The following USP11 variants were observed in gnomAD, a reference collection of about 807,000 sequenced individuals.
USP11 encodes ubiquitin specific peptidase 11.
USP11 carries 5 observed loss-of-function variants against 72.8 expected under a neutral mutation model. The observed-to-expected ratio is 0.07, with a 90% CI of 0.04 to 0.14. The LOEUF is 0.14. Among genes scored for constraint, USP11 ranks in the 10% least tolerant of loss-of-function variants. The pLI, the probability that USP11 is intolerant of heterozygous loss-of-function variation, is 1.00. For missense variants in USP11, 480 were observed against 794.7 expected (o/e 0.60, Z 4.76); for synonymous variants, 368 against 326.5 (o/e 1.13, Z -1.37).
chrX:47,243,496 A>G lies in USP11; in HGVS notation c.1684A>G (p.Asn562Asp). 1 of 1,211,309 alleles carries G rather than the reference A, an allele frequency of 8.3e-7. No homozygotes were observed. The highest frequency in any genetic ancestry group is 1.1e-6 in the Non-Finnish European group (1 of 895,408). ...GCGCACCCCTGCCCGTGACTACAAC[A>G]ACTCCTACTACGGCCTGATGCTTTT... ...RERTPARDYN[N>D]SYYGLMLFGH... The change falls in exon 13 of 21, where the codon AAC becomes GAC. Residue 562 changes from asparagine to aspartate, a missense_variant. Asn to Asp is a conservative substitution (Grantham distance 23). Around this residue, in one of 5 missense-constraint regions of USP11, gnomAD observed 314 missense variants for 556.0 expected, o/e 0.56. Coordinates refer to ENST00000377107, the MANE Select transcript of USP11 (RefSeq NM_001371072.1).
In USP11 at chrX:47,247,347, T is replaced by A. The variant is rs751339862; in HGVS notation, c.2464T>A (p.Ser822Thr). The A allele has an allele frequency of 9.1e-6, 11 of 1,210,038 alleles. No individual in the cohort carries two copies. The highest frequency in any genetic ancestry group is 1.0e-5 in the Non-Finnish European group (9 of 895,048). The change falls in exon 19 of 21, where the codon TCG (serine) becomes ACG (threonine). Residue 822 changes from serine (S) to threonine (T), a missense_variant. Transcript: ENST00000377107. ...SEFVIQPQNE[S>T]NPELYKYDLI... ...GTTTGTCATCCAGCCACAGAATGAGTCGAATCCGGAGCTGTACAAATATGA... is the reference window on the plus strand; with the variant it reads ...GTTTGTCATCCAGCCACAGAATGAGACGAATCCGGAGCTGTACAAATATGA...
At chrX:47,239,557 C>G in intron 3 of USP11, 76 bp downstream of exon 3, 8 of 1,169,314 alleles carry the variant, frequency 6.8e-6, no homozygotes, top group Non-Finnish European at 9.2e-6. Flanking sequence ...GGGTACAGAT[C>G]CATGTATGCT....
intron 1 of USP11, chrX:47,233,496 G>A: frequency 1.0e-6 from 1 of 981,799 alleles, no homozygotes; most frequent in Non-Finnish European, 1.3e-6. Context: ...GTGGGGCCGG[G>A]CCTGCGTAGT....
At chrX:47,239,221 C>A in intron 2 of USP11, 42 bp downstream of exon 2, 1 of 1,181,651 alleles carries the variant, frequency 8.5e-7, no homozygotes. Flanking sequence ...CCCTGGAGTT[C>A]TTGTCCCTTC....
chrX:47,242,225 C>G lies in USP11; in HGVS notation c.1323C>G (p.Leu441=). The G allele has an allele frequency of 8.2e-7, 1 of 1,212,197 alleles. No homozygotes were observed. Among genetic ancestry groups the G allele is most frequent in the Non-Finnish European group, 1.1e-6 (1 of 895,584 alleles). Residue 441 remains leucine, a synonymous_variant, in exon 10 of 21, where the codon CTC becomes CTG. Transcript: ENST00000377107. Reference sequence around the variant, plus strand: ...TGACCTTCGACCCCTTCTGCTACCTCAGTGTTCCACTGCCTATCAGCCACA... The same window carrying G: ...TGACCTTCGACCCCTTCTGCTACCTGAGTGTTCCACTGCCTATCAGCCACA... The part of the protein sequence containing the change: ...VSVTFDPFCY[L]SVPLPISHKR...
intron 2 of USP11, 53 bp downstream of exon 2, chrX:47,239,232 C>T (rs1040574008): frequency 5.1e-6 from 6 of 1,174,986 alleles, no homozygotes; most frequent in South Asian, 1.9e-5. Context: ...TTGTCCCTTC[C>T]GTCCCTACAG....
At position 47,244,782 on chromosome X, in the gene USP11, G is replaced by A. The variant is rs1459925560; in HGVS notation, c.1944G>A (p.Thr648=). 5 of 1,209,816 alleles carry A rather than the reference G, an allele frequency of 4.1e-6. No individual in the cohort carries two copies. The highest frequency in any genetic ancestry group is 3.4e-6 in the Non-Finnish European group (3 of 894,960). The stretch of plus-strand genomic sequence containing the variant: ...AGGCTGGGCCCAGCTCTGGAGTCAC[G>A]AACAGGTGCCCGTTCCTCCTGGACA... The part of the protein sequence containing the change: ...PEQAGPSSGV[T]NRCPFLLDNC... Residue 648 remains threonine, a synonymous_variant, in exon 15 of 21, where the codon ACG becomes ACA. Transcript: ENST00000377107.
rs757731968 is a variant in USP11, at chrX:47,244,785, C to T, written c.1947C>T (p.Asn649=). Residue 649 remains asparagine, a synonymous_variant, in exon 15 of 21, where the codon AAC becomes AAT. Coordinates refer to ENST00000377107, the MANE Select transcript of USP11 (RefSeq NM_001371072.1). ...CTGGGCCCAGCTCTGGAGTCACGAA[C>T]AGGTGCCCGTTCCTCCTGGACAATT... ...EQAGPSSGVT[N]RCPFLLDNCL... 5.0e-6 allele frequency: 6 copies of T among 1,210,452 alleles called. No individual in the cohort carries two copies. In the Admixed American group the frequency reaches 1.1e-4, roughly 22 times the overall value.
intron 13 of USP11, among the ~76,000 whole-genome samples, chrX:47,243,975 A>G (rs1462620334): frequency 9.0e-6 from 1 of 111,314 alleles, no homozygotes; most frequent in East Asian, 2.8e-4. Flanking sequence ...TGTTATCAGA[A>G]TTCTCCCCCC....
intron 12 of USP11, 146 bp from the exon 13 acceptor site, chrX:47,243,250 G>GA: frequency 1.7e-6 from 1 of 591,958 alleles, no homozygotes; most frequent in Non-Finnish European, 2.5e-6. Flanking sequence ...GCAACAGAGC[G>GA]AGACTCCGTC....
In USP11 at chrX:47,248,102, C is replaced by T. The variant is rs987253453; in HGVS notation, c.*172C>T. 3 of 735,775 alleles carry T rather than the reference C, an allele frequency of 4.1e-6. No individual in the cohort carries two copies. The African/African-American group carries it at 6.5e-5, about 16-fold the overall frequency. The allele number at this position is 735,775 out of a possible 1,213,427, so 60.6% of individuals were successfully genotyped here. A position where few individuals can be genotyped will look rare whatever the true frequency, so the allele number is the denominator to read the frequency against. ...TGCATCGCTCTCTCCCGGGAAAGAA[C>T]AGGTCGTGTCTCCTCCTAGCAGTGC... On this transcript the variant is annotated 3_prime_UTR_variant, in exon 21 of 21. Coordinates refer to ENST00000377107, the MANE Select transcript of USP11 (RefSeq NM_001371072.1).
At chrX:47,243,351 C>T (rs372967384) in intron 12 of USP11, 45 bp from the exon 13 acceptor site, 2 of 1,196,755 alleles carry the variant, frequency 1.7e-6, no homozygotes, top group African/African-American at 3.5e-5. Flanking sequence ...GTCAGGGAGT[C>T]TCTGGGGGCC....
intron 1 of USP11, among the ~76,000 whole-genome samples, chrX:47,234,509 A>C (rs2055362588): frequency 8.9e-6 from 1 of 111,764 alleles, no homozygotes; most frequent in African/African-American, 3.3e-5. Context: ...GTTTATAGGA[A>C]ATACTGAAAA....
chrX:47,244,192 G>A (rs986632874), intron 13 of USP11, among the ~76,000 whole-genome samples: 1 of 102,854 alleles, frequency 9.7e-6, no homozygotes, highest in Non-Finnish European at 2.0e-5. Flanking sequence ...TCCATCTCCC[G>A]GATTCAAGCG....
In USP11 at chrX:47,239,445, T is replaced by C. The variant is rs1424121774; in HGVS notation, c.381T>C (p.Tyr127=). Reference sequence around the variant, plus strand: ...CTTGGCATTACCTGGTCAGCTGGTATGGTCTAGAGCATGGCCAGCCACCCA... The same window carrying C: ...CTTGGCATTACCTGGTCAGCTGGTACGGTCTAGAGCATGGCCAGCCACCCA... ...AAAWHYLVSW[Y]GLEHGQPPIE... Residue 127 remains tyrosine (Y), a synonymous_variant, in exon 3 of 21, where the codon TAT becomes TAC. Coordinates refer to ENST00000377107, the MANE Select transcript of USP11 (RefSeq NM_001371072.1). 8.3e-7 allele frequency: 1 copy of C among 1,210,020 alleles called. No individual in the cohort carries two copies. The highest frequency in any genetic ancestry group is 2.3e-4 in the Middle Eastern group (1 of 4,375).
chrX:47,245,989 G>T (rs1286396266), intron 17 of USP11, among the ~76,000 whole-genome samples: 1 of 111,430 alleles, frequency 9.0e-6, no homozygotes, highest in Non-Finnish European at 1.9e-5. Context: ...TGTTCCCAGT[G>T]ATCTACAGGA....
chrX:47,239,044 AC>A, intron 1 of USP11, 25 bp from the exon 2 acceptor site: 2 of 1,162,885 alleles, frequency 1.7e-6, no homozygotes, highest in Non-Finnish European at 2.3e-6. Context: ...CCCATGTAAC[AC>A]CCTTGTTACC....
intron 1 of USP11, among the ~76,000 whole-genome samples, chrX:47,234,985 T>C (rs2055365096): frequency 8.9e-6 from 1 of 112,558 alleles, no homozygotes; most frequent in South Asian, 3.6e-4. Context: ...GGATTCTCTG[T>C]ATTATTTTTG....
intron 1 of USP11, 143 bp from the exon 2 acceptor site, chrX:47,238,927 C>A: frequency 2.4e-6 from 1 of 423,819 alleles, no homozygotes; most frequent in Non-Finnish European, 4.0e-6. Flanking sequence ...ATAAATTTTG[C>A]TTCGAATTTA....
Sources: allele counts gnomAD v4.1 joint callset (sites outside exome capture counted in the v4.1 genomes callset), GRCh38; gene constraint gnomAD v4.1.1; regional missense constraint gnomAD v4.1.1; transcripts MANE v1.5; gene names NCBI Gene and HGNC (gene_info 2026-07-23, HGNC 2026-07-21).